ACSL3: variants seen among roughly 807,000 people sequenced by gnomAD.
ACSL3 encodes the protein fatty acid CoA ligase Acsl3.
A neutral mutation model predicts 84.7 loss-of-function variants in ACSL3; 34 were observed. That is an observed-to-expected ratio of 0.40 (90% CI 0.31 to 0.53). ACSL3 has a LOEUF of 0.53. Among genes scored for constraint, ACSL3 ranks in the 20% least tolerant of loss-of-function variants. ACSL3 has a pLI of 0.48. For missense variants in ACSL3, 680 were observed against 873.1 expected, an observed-to-expected ratio of 0.78 and a Z score of 2.79; for synonymous variants, 315 against 299.4, an observed-to-expected ratio of 1.05 and a Z score of -0.54.
chr2:222,920,275 T>C (rs1052564648), intron 7 of ACSL3, among the ~76,000 whole-genome samples: 1 of 152,184 alleles, frequency 6.6e-6, no homozygotes, highest in African/African-American at 2.4e-5. Flanking sequence ...GGGTATTCTA[T>C]TGGGAGTACA....
intron 1 of ACSL3, chr2:222,861,816 C>T (rs1373041595): frequency 1.3e-5 from 2 of 152,290 alleles, no homozygotes; most frequent in African/African-American, 2.4e-5. Context: ...TTAAGACTGT[C>T]GTTTGGGGTT....
intron 1 of ACSL3, among the ~76,000 whole-genome samples, chr2:222,884,528 C>T (rs1333177550): frequency 6.6e-6 from 1 of 152,214 alleles, no homozygotes; most frequent in African/African-American, 2.4e-5. Flanking sequence ...CTAGTGGCTG[C>T]TGGCATTCCC....
At chr2:222,865,245 G>A (rs1370029378) in intron 1 of ACSL3, among the ~76,000 whole-genome samples, 1 of 152,156 alleles carries the variant, frequency 6.6e-6, no homozygotes, top group African/African-American at 2.4e-5. Flanking sequence ...ATTGGAATAT[G>A]TTTATTTACG....
intron 2 of ACSL3, among the ~76,000 whole-genome samples, chr2:222,892,536 G>T (rs1025028472): frequency 6.6e-6 from 1 of 152,008 alleles, no homozygotes; most frequent in Non-Finnish European, 1.5e-5. Context: ...CTTGACCCTG[G>T]TTTCCTATTT....
chr2:222,932,529 A>AT (rs1697060250), intron 14 of ACSL3, among the ~76,000 whole-genome samples: 1 of 151,930 alleles, frequency 6.6e-6, no homozygotes, highest in South Asian at 2.1e-4. Flanking sequence ...GGGTTTCACC[A>AT]TGTTGGCCAG....
At chr2:222,916,597 A>G in intron 5 of ACSL3, 101 bp downstream of exon 5, 2 of 1,310,348 alleles carry the variant, frequency 1.5e-6, no homozygotes, top group Non-Finnish European at 2.0e-6. Flanking sequence ...ATTTTCACCC[A>G]GTGTCCAGTT....
intron 16 of ACSL3, among the ~76,000 whole-genome samples, chr2:222,939,516 C>G (rs576735721): frequency 8.5e-5 from 13 of 152,120 alleles, no homozygotes; most frequent in Non-Finnish European, 1.5e-4. Flanking sequence ...CTTGACAGCT[C>G]CCAACCTGGT....
chr2:222,939,847 G>A (rs1697260525), intron 16 of ACSL3, among the ~76,000 whole-genome samples: 1 of 152,026 alleles, frequency 6.6e-6, no homozygotes, highest in African/African-American at 2.4e-5. Flanking sequence ...TTCCTATATT[G>A]TCATCTTGCT....
chr2:222,932,048 C>G (rs973796145), intron 14 of ACSL3, among the ~76,000 whole-genome samples: 16 of 152,252 alleles, frequency 1.1e-4, no homozygotes, highest in Middle Eastern at 3.4e-3. Context: ...ATCTCAAAAC[C>G]AACCAACCAT....
chr2:222,870,232 C>T (rs186028822), intron 1 of ACSL3, among the ~76,000 whole-genome samples: 38 of 152,050 alleles, frequency 2.5e-4, no homozygotes, highest in Middle Eastern at 3.4e-3. Context: ...TTACCTGTGC[C>T]ATATTTATTT....
chr2:222,898,720 G>A (rs981447965), intron 2 of ACSL3, among the ~76,000 whole-genome samples: 5 of 152,074 alleles, frequency 3.3e-5, no homozygotes, highest in East Asian at 1.9e-4. Context: ...CCAGCTACTC[G>A]GGAGGCTGAG....
chr2:222,899,354 C>T (rs1395273894), intron 2 of ACSL3, among the ~76,000 whole-genome samples: 3 of 151,690 alleles, frequency 2.0e-5, no homozygotes, highest in African/African-American at 7.3e-5. Context: ...AGGCGACTGT[C>T]GTCCCAGCTA....
intron 1 of ACSL3, among the ~76,000 whole-genome samples, chr2:222,884,717 T>C (rs1695678624): frequency 6.6e-6 from 1 of 152,250 alleles, no homozygotes; most frequent in Non-Finnish European, 1.5e-5. Context: ...GTAACATTTG[T>C]AGATCCTAGG....
chr2:222,865,699 A>T (rs898459322), intron 1 of ACSL3, among the ~76,000 whole-genome samples: 2 of 152,162 alleles, frequency 1.3e-5, no homozygotes, highest in Non-Finnish European at 2.9e-5. Context: ...CTCAGTGGAG[A>T]TGATAGCTGA....
chr2:222,911,165 T>C (rs1696430677), intron 4 of ACSL3, among the ~76,000 whole-genome samples: 1 of 152,086 alleles, frequency 6.6e-6, no homozygotes, highest in Non-Finnish European at 1.5e-5. Context: ...TTGTCCTGGC[T>C]CAGCCTCCCG....
chr2:222,933,397 T>G (rs1697083691), intron 15 of ACSL3, 117 bp downstream of exon 15: 6 of 668,236 alleles, frequency 9.0e-6, no homozygotes, highest in Non-Finnish European at 1.5e-5. Context: ...ATCTGTTACT[T>G]GTGGGAATGG....
intron 16 of ACSL3, among the ~76,000 whole-genome samples, chr2:222,936,879 G>C (rs538723436): frequency 1.3e-5 from 2 of 152,146 alleles, no homozygotes; most frequent in South Asian, 4.2e-4. Flanking sequence ...GAGAGAAAGC[G>C]AAGGGGGAAG....
chr2:222,907,932 T>A (rs1696337608), intron 3 of ACSL3, among the ~76,000 whole-genome samples: 1 of 152,176 alleles, frequency 6.6e-6, no homozygotes, highest in African/African-American at 2.4e-5. Context: ...AGTCACTTTC[T>A]ATTTTCCTTA....
Position 222,930,713 on chromosome 2 carries a change from A to G in ACSL3, c.1633A>G (p.Lys545Glu). Reference sequence around the variant, plus strand: ...AATGGGGTACTACAAAAATGAAGCAAAAACAAAAGCTGATTTCTTTGAAGA... The same window carrying G: ...AATGGGGTACTACAAAAATGAAGCAGAAACAAAAGCTGATTTCTTTGAAGA... ...VTMGYYKNEA[K>E]TKADFFEDEN... The change falls in exon 14 of 17, where the codon AAA (lysine) becomes GAA (glutamate). Residue 545 changes from lysine (K) to glutamate (E), a missense_variant. Transcript: ENST00000357430. The G allele has an allele frequency of 6.2e-7, 1 of 1,614,190 alleles. No individual in the cohort carries two copies. The highest frequency in any genetic ancestry group is 8.5e-7 in the Non-Finnish European group (1 of 1,180,024).
Sources: allele counts gnomAD v4.1 joint callset (sites outside exome capture counted in the v4.1 genomes callset), GRCh38; gene constraint gnomAD v4.1.1; transcripts MANE v1.5; gene names NCBI Gene and HGNC (gene_info 2026-07-23, HGNC 2026-07-21).